Variants in PCDH15 observed in about 807,000 individuals in gnomAD.
PCDH15 encodes protocadherin-15.
A neutral mutation model predicts 178.5 loss-of-function variants in PCDH15; 129 were observed. The observed-to-expected ratio is 0.72, with a 90% confidence interval of 0.63 to 0.84. The LOEUF (loss-of-function observed/expected upper bound fraction) is 0.84. PCDH15 is among the 40% of genes least tolerant of loss of function. The pLI, the probability that PCDH15 is intolerant of heterozygous loss-of-function variation, is 0.00. For missense variants in PCDH15, 2,230 were observed against 2,099.9 expected, an observed-to-expected ratio of 1.06 and a Z score of -1.21; for synonymous variants, 800 against 732.0, an observed-to-expected ratio of 1.09 and a Z score of -1.50.
rs574402955 is a variant in PCDH15 at position 53,850,685 on chromosome 10, C to T, written c.3806+6490G>A. On this transcript the variant is annotated intron_variant, in intron 28 of 37. Transcript: ENST00000644397. The stretch of plus-strand genomic sequence containing the variant: ...AGTTTATTTTATAGCTATTACATTC[C>T]TATTACAGAAACATTATTTTCAAAA... 2.8e-4 allele frequency among the ~76,000 whole-genome samples: 43 copies of T among 151,848 alleles called. No individual in the cohort carries two copies. The South Asian group carries it at 5.4e-3, about 19-fold the overall frequency.
At chr10:54,459,628 G>A (rs1381034120) in intron 3 of PCDH15, among the ~76,000 whole-genome samples, 3 of 152,024 alleles carry the variant, frequency 2.0e-5, no homozygotes, top group East Asian at 1.9e-4. Context: ...AAAAAGACAG[G>A]TGAGAGACAG....
Position 55,309,208 on chromosome 10 carries a change from T to C in PCDH15, c.-156+10391A>G, listed in dbSNP as rs370040416. 6.6e-5 allele frequency among the ~76,000 whole-genome samples: 10 copies of C among 152,302 alleles called. 2 individuals are homozygous for C. The highest frequency in any genetic ancestry group is 1.5e-5 in the Non-Finnish European group (1 of 68,018). ...TATTCAAGTTGTATAATATTCTCTA[T>C]GTATGACAATAAAAACAGTTAAAAG... is the stretch of plus-strand genomic sequence containing the variant. On this transcript the variant is annotated intron_variant, in intron 1 of 5. Transcript: ENST00000458638.
At chr10:54,241,658 A>G (rs1203504893) in intron 8 of PCDH15, among the ~76,000 whole-genome samples, 1 of 152,110 alleles carries the variant, frequency 6.6e-6, no homozygotes, top group Non-Finnish European at 1.5e-5. Flanking sequence ...GTTCCAGTTG[A>G]TAAGCATATA....
chr10:54,334,331 A>G (rs1451242809), intron 6 of PCDH15, among the ~76,000 whole-genome samples: 1 of 152,156 alleles, frequency 6.6e-6, no homozygotes, highest in Non-Finnish European at 1.5e-5. Flanking sequence ...ACACACATTC[A>G]CATTCAATAA....
In PCDH15 at chr10:54,317,420, C is replaced by T; in HGVS notation, c.727G>A (p.Glu243Lys). The T allele has an allele frequency of 3.7e-6, 6 of 1,613,872 alleles. No homozygotes were observed. Among genetic ancestry groups the T allele is most frequent in the African/African-American group, 1.3e-5 (1 of 75,014 alleles). Reference sequence around the variant, plus strand: ...AGAGTGGTGGTGGTGGTTCGCCTCTCATTCAGATTTTGGGCACGGTCCTGT... The same window carrying T: ...AGAGTGGTGGTGGTGGTTCGCCTCTTATTCAGATTTTGGGCACGGTCCTGT... ...QANDRAQNLN[E>K]RRTTTTTLTV... Residue 243 changes from glutamate to lysine, a missense_variant, in exon 8 of 38, where the codon GAG becomes AAG. By Grantham distance (56) the Glu-to-Lys change is moderately conservative. Transcript: ENST00000644397.
At chr10:54,175,405 A>G (rs918831844) in intron 13 of PCDH15, among the ~76,000 whole-genome samples, 5 of 152,220 alleles carry the variant, frequency 3.3e-5, no homozygotes, top group African/African-American at 9.6e-5. Context: ...ACTAAATAAC[A>G]CAGGACACTC....
intron 1 of PCDH15, among the ~76,000 whole-genome samples, chr10:54,784,748 A>T: frequency 6.6e-6 from 1 of 152,118 alleles, no homozygotes; most frequent in East Asian, 1.9e-4. Context: ...ACTGGGAAAA[A>T]GGCAATATAT....
In PCDH15 at chr10:53,855,904, GTATATA is replaced by G. The variant is rs56290679; in HGVS notation, c.3806+1265_3806+1270del. 7.3e-5 allele frequency among the ~76,000 whole-genome samples: 8 copies of G among 109,690 alleles called. 1 individual carries two copies. Among genetic ancestry groups the G allele is most frequent in the African/African-American group, 2.6e-4 (7 of 26,472 alleles). The allele number at this position is 109,690 out of a possible 152,430, so 72.0% of individuals were successfully genotyped here. The stretch of plus-strand genomic sequence containing the variant: ...TAAAAGTTAAAAAAAAAGGTGATAT[GTATATA>G]TATATATATATGTATGTGTGTGTGT... On this transcript the variant is annotated intron_variant, in intron 28 of 37. Transcript: ENST00000644397.
At position 54,932,585 on chromosome 10, in the gene PCDH15, C is replaced by T. The variant is rs1310154955; in HGVS notation, c.-79-35085G>A. Among the ~76,000 whole-genome samples, 2 of 152,276 alleles carry T rather than the reference C, an allele frequency of 1.3e-5. 1 individual carries two copies. The highest frequency in any genetic ancestry group is 1.3e-4 in the Admixed American group (2 of 15,292). ...TGTTTGTTGGTTTGAGACGGAGTCT[C>T]ATTTTGTCGCCCAGGAGTACAGTGG... On this transcript the variant is annotated intron_variant, in intron 2 of 5. Coordinates refer to the PCDH15 transcript ENST00000458638.
chr10:54,108,325 G>A (rs1269095273), intron 15 of PCDH15, among the ~76,000 whole-genome samples: 1 of 152,124 alleles, frequency 6.6e-6, no homozygotes, highest in South Asian at 2.1e-4. Flanking sequence ...GTGCACTTGA[G>A]AGAGGGAGAG....
rs529449705 is a variant in PCDH15 at position 54,050,495 on chromosome 10, C to T, written c.2220+16262G>A. ...CTATAGGTCTATAAATCTTGTTCAT[C>T]TTTTCGAAGAACCAACTTTTGGTTT... On this transcript the variant is annotated intron_variant, in intron 18 of 37. Transcript: ENST00000644397. Among the ~76,000 whole-genome samples the T allele has an allele frequency of 4.6e-5, 7 of 152,100 alleles. No homozygotes were observed. The South Asian group carries it at 1.4e-3, about 32-fold the overall frequency.
intron 1 of PCDH15, among the ~76,000 whole-genome samples, chr10:54,706,322 A>G (rs2132294800): frequency 6.6e-6 from 1 of 152,280 alleles, no homozygotes; most frequent in Non-Finnish European, 1.5e-5. Flanking sequence ...ACTCAACCCT[A>G]GAAAAGTACT....
chr10:55,549,172 G>T (rs993096732), intron 2 of PCDH15, among the ~76,000 whole-genome samples: 2 of 150,288 alleles, frequency 1.3e-5, no homozygotes, highest in Admixed American at 1.3e-4. Context: ...TTGTTTGTTT[G>T]TTTTTTCCCC....
At chr10:54,795,378 A>G (rs1951851858) in intron 1 of PCDH15, among the ~76,000 whole-genome samples, 1 of 151,876 alleles carries the variant, frequency 6.6e-6, no homozygotes, top group South Asian at 2.1e-4. Context: ...TGGCCTTAAG[A>G]AAGTAGGATG....
chr10:55,218,297 CTATGGAGTACATTG>C (rs1840764951), intron 1 of PCDH15, among the ~76,000 whole-genome samples: 1 of 151,870 alleles, frequency 6.6e-6, no homozygotes, highest in Non-Finnish European at 1.5e-5. Context: ...CTAGTGAAAT[CTATGGAGTACATTG>C]TATATTAAAT....
intron 18 of PCDH15, among the ~76,000 whole-genome samples, chr10:54,034,127 A>G (rs1296486814): frequency 6.6e-6 from 1 of 152,012 alleles, no homozygotes; most frequent in Non-Finnish European, 1.5e-5. Flanking sequence ...TAAAGGATTA[A>G]CAGAATTGTA....
chr10:54,582,968 CAAT>C (rs2091167897), intron 2 of PCDH15, among the ~76,000 whole-genome samples: 1 of 151,966 alleles, frequency 6.6e-6, no homozygotes, highest in South Asian at 2.1e-4. Flanking sequence ...TTAATAAAAA[CAAT>C]AAAGATACAC....
At chr10:55,347,061 A>G (rs1844781385) in intron 2 of PCDH15, among the ~76,000 whole-genome samples, 1 of 151,974 alleles carries the variant, frequency 6.6e-6, no homozygotes, top group South Asian at 2.1e-4. Context: ...AAAAAATAAA[A>G]AAAATTAGCC....
intron 3 of PCDH15, among the ~76,000 whole-genome samples, chr10:54,507,618 AT>A (rs1467573719): frequency 1.3e-5 from 2 of 151,984 alleles, no homozygotes; most frequent in African/African-American, 4.8e-5. Context: ...GATCTCTCAC[AT>A]CAAGCGGTAA....
Sources: gnomAD v4.1 joint callset for allele counts (sites outside exome capture counted in the v4.1 genomes callset) on GRCh38, gnomAD v4.1.1 for gene constraint, MANE v1.5 for transcripts, NCBI Gene and HGNC (gene_info 2026-07-23, HGNC 2026-07-21) for gene names.